The following VIPR2 variants were observed in gnomAD, a reference collection of about 807,000 sequenced individuals.
VIPR2 encodes the protein vasoactive intestinal peptide receptor 2.
Under a neutral mutation model 58.0 loss-of-function variants are expected in VIPR2, and 48 were observed. That is an observed-to-expected ratio of 0.83 (90% CI 0.66 to 1.05). The LOEUF is 1.05. VIPR2 is among the 50% of genes least tolerant of loss of function. VIPR2 has a pLI of 0.00. For synonymous variants in VIPR2, 243 were observed against 235.2 expected, an observed-to-expected ratio of 1.03 and a Z score of -0.30; for missense variants, 534 against 558.0, an observed-to-expected ratio of 0.96 and a Z score of 0.43.
chr7:159,031,650 A>G lies in VIPR2; in HGVS notation c.1143+178T>C. ...GGGGTTTGGAAGCTGGGCCCAGAAG[A>G]GTGGGTTTGCCTGTGTCGTTGTGGG... On this transcript the variant is annotated intron_variant, in intron 12 of 12. Transcript: ENST00000262178. This position sits in a 1 kb window ranked among gnomAD's most constrained non-coding sequence, Gnocchi z 4.0. 2 of 985,248 alleles carry G rather than the reference A, an allele frequency of 2.0e-6. No individual in the cohort carries two copies. Among genetic ancestry groups the G allele is most frequent in the Non-Finnish European group, 2.4e-6 (2 of 829,898 alleles). 61.0% of individuals were successfully genotyped at this position (985,248 alleles called of 1,614,324 possible).
intron 4 of VIPR2, among the ~76,000 whole-genome samples, chr7:159,085,972 C>G (rs2129495102): frequency 6.6e-6 from 1 of 152,250 alleles, no homozygotes; most frequent in Non-Finnish European, 1.5e-5. Context: ...ATGCAAACCA[C>G]CAGGAGTGAG....
chr7:159,041,472 G>A (rs1854328975), intron 6 of VIPR2, among the ~76,000 whole-genome samples: 1 of 130,376 alleles, frequency 7.7e-6, no homozygotes, highest in African/African-American at 2.8e-5. Context: ...GTCTGTTGCG[G>A]GTCACTGCTT....
chr7:159,141,283 A>G (rs1307917723), intron 2 of VIPR2, among the ~76,000 whole-genome samples: 1 of 152,254 alleles, frequency 6.6e-6, no homozygotes, highest in African/African-American at 2.4e-5. Context: ...CAACCAGACA[A>G]TCTGGAAGAT....
At chr7:159,085,018 A>T (rs1356702678) in intron 4 of VIPR2, among the ~76,000 whole-genome samples, 7 of 152,216 alleles carry the variant, frequency 4.6e-5, no homozygotes, top group Non-Finnish European at 8.8e-5. Context: ...TGCACTGTGT[A>T]AAAGCATTAG....
At chr7:159,087,906 A>G (rs10949753) in intron 4 of VIPR2, among the ~76,000 whole-genome samples, 29,267 of 152,178 alleles carry the variant, frequency 0.19, 4,466 homozygotes, top group African/African-American at 0.42. Context: ...TTCCCCAGCA[A>G]ACAACACACA....
chr7:159,113,913 A>G (rs145193840), intron 2 of VIPR2, among the ~76,000 whole-genome samples: 17 of 152,266 alleles, frequency 1.1e-4, no homozygotes, highest in Non-Finnish European at 1.9e-4. Context: ...TAAAATAAAT[A>G]CCAGAGAAGA....
intron 3 of VIPR2, among the ~76,000 whole-genome samples, chr7:159,109,406 A>T (rs1563336051): frequency 6.6e-6 from 1 of 152,182 alleles, no homozygotes; most frequent in South Asian, 2.1e-4. Flanking sequence ...TGCCCTGAGC[A>T]TGGAGGCTCT....
chr7:159,031,696 A>G lies in VIPR2; in HGVS notation c.1143+132T>C. The stretch of plus-strand genomic sequence containing the variant: ...GTGGGTTCTCTGATGGGGACACAGA[A>G]CTGTGGGGTCCCGGGCAGTAACTCG... On this transcript the variant is annotated intron_variant, in intron 12 of 12. Transcript: ENST00000262178. The surrounding 1 kb of genome is among the most constrained non-coding windows in gnomAD (Gnocchi z 4.0). 6.5e-7 allele frequency: 1 copy of G among 1,542,650 alleles called. No homozygotes were observed. Among genetic ancestry groups the G allele is most frequent in the Non-Finnish European group, 8.7e-7 (1 of 1,150,544 alleles).
chr7:159,064,264 C>T (rs1398679886), intron 4 of VIPR2, among the ~76,000 whole-genome samples: 6 of 151,892 alleles, frequency 4.0e-5, no homozygotes, highest in African/African-American at 1.2e-4. Context: ...TCCCCTGCCC[C>T]GGAGCCACTG....
At chr7:159,037,501 C>G (rs1464972110) in intron 6 of VIPR2, among the ~76,000 whole-genome samples, 1 of 152,220 alleles carries the variant, frequency 6.6e-6, no homozygotes, top group African/African-American at 2.4e-5. Context: ...AGCAGTGGAC[C>G]CACACCAGGC....
rs1190695937 is a variant in VIPR2 at position 159,099,290 on chromosome 7, C to G, written c.357+4467G>C. On this transcript the variant is annotated intron_variant, in intron 4 of 12. Coordinates refer to ENST00000262178, the MANE Select transcript of VIPR2 (RefSeq NM_003382.5). The surrounding 1 kb of genome is among the most constrained non-coding windows in gnomAD (Gnocchi z 4.2). ...AAAAATAGTTCTTCAGACTAAACAG[C>G]AAAGCATCAGGGGATCACAGAGCCA... 6.6e-6 allele frequency among the ~76,000 whole-genome samples: 1 copy of G among 152,182 alleles called. No homozygotes were observed. The highest frequency in any genetic ancestry group is 1.5e-5 in the Non-Finnish European group (1 of 68,046).
chr7:159,046,971 A>C (rs1056169314), intron 5 of VIPR2, among the ~76,000 whole-genome samples: 1 of 152,232 alleles, frequency 6.6e-6, no homozygotes, highest in African/African-American at 2.4e-5. Context: ...GCGGTGGCTC[A>C]TGCCTGTAAT....
chr7:159,031,043 G>A lies in VIPR2; in HGVS notation c.1144-254C>T, dbSNP rs560378648. Among the ~76,000 whole-genome samples the A allele has an allele frequency of 6.6e-6, 1 of 152,216 alleles. No individual in the cohort carries two copies. Among genetic ancestry groups the A allele is most frequent in the African/African-American group, 2.4e-5 (1 of 41,466 alleles). On this transcript the variant is annotated intron_variant, in intron 12 of 12. Transcript: ENST00000262178. The surrounding 1 kb of genome is among the most constrained non-coding windows in gnomAD (Gnocchi z 4.0). ...GGGTGGTTCGGGGATCGCCACTGCC[G>A]CGGTAAGCGCAGTCCCACAGTCTCA...
chr7:159,124,415 T>C (rs1286745438), intron 2 of VIPR2, among the ~76,000 whole-genome samples: 1 of 152,196 alleles, frequency 6.6e-6, no homozygotes, highest in African/African-American at 2.4e-5. Context: ...CTTTTCCCTA[T>C]TGCTTATTTT....
intron 5 of VIPR2, among the ~76,000 whole-genome samples, chr7:159,055,765 A>G (rs1855284143): frequency 6.6e-6 from 1 of 152,054 alleles, no homozygotes; most frequent in African/African-American, 2.4e-5. Flanking sequence ...CTCAGAGATG[A>G]GCATGCTTTT....
At position 159,099,921 on chromosome 7, in the gene VIPR2, C is replaced by A. The variant is rs1305784223; in HGVS notation, c.357+3836G>T. ...ACAGAGGCCGCAATGTTCCCCCTCT[C>A]CCTGGCTGAGCTGGGTGCAGCCATG... On this transcript the variant is annotated intron_variant, in intron 4 of 12. Coordinates refer to ENST00000262178, the MANE Select transcript of VIPR2 (RefSeq NM_003382.5). The surrounding 1 kb of genome is among the most constrained non-coding windows in gnomAD (Gnocchi z 4.2). Among the ~76,000 whole-genome samples, 1 of 152,184 alleles carries A rather than the reference C, an allele frequency of 6.6e-6. No homozygotes were observed. Among genetic ancestry groups the A allele is most frequent in the Non-Finnish European group, 1.5e-5 (1 of 68,032 alleles).
intron 6 of VIPR2, among the ~76,000 whole-genome samples, chr7:159,039,531 G>A (rs1854184897): frequency 6.6e-6 from 1 of 152,166 alleles, no homozygotes; most frequent in South Asian, 2.1e-4. Context: ...TTTGCAATGG[G>A]CTGGAGGCTT....
chr7:159,137,201 G>C, intron 2 of VIPR2, among the ~76,000 whole-genome samples: 1 of 152,228 alleles, frequency 6.6e-6, no homozygotes, highest in Middle Eastern at 3.4e-3. Flanking sequence ...CAACAGCTCC[G>C]TTCTTCCCAG....
intron 4 of VIPR2, among the ~76,000 whole-genome samples, chr7:159,063,097 C>T (rs1855808676): frequency 6.6e-6 from 1 of 152,244 alleles, no homozygotes; most frequent in South Asian, 2.1e-4. Context: ...GTGTATCCTG[C>T]ACCGGGCCGC....
Sources: gnomAD v4.1 joint callset for allele counts (sites outside exome capture counted in the v4.1 genomes callset) on GRCh38, gnomAD v4.1.1 for gene constraint, Gnocchi (gnomAD v3.1) non-coding constraint, MANE v1.5 for transcripts, NCBI Gene and HGNC (gene_info 2026-07-23, HGNC 2026-07-21) for gene names.